FAT2: variants seen among roughly 807,000 people sequenced by gnomAD.
The protein encoded by FAT2 is FAT atypical cadherin 2.
Under a neutral mutation model 295.3 loss-of-function variants are expected in FAT2, and 150 were observed. That is an observed-to-expected ratio of 0.51 (90% CI 0.44 to 0.58). The LOEUF (loss-of-function observed/expected upper bound fraction) is 0.58. FAT2 is among the 20% of genes least tolerant of loss of function. The probability of loss-of-function intolerance (pLI) is 0.00; values close to 1 mark genes in which losing one functional copy is unlikely to be tolerated. For synonymous variants in FAT2, 2,026 were observed against 2,150.3 expected, an observed-to-expected ratio of 0.94 and a Z score of 1.60; for missense variants, 4,868 against 5,442.7, an observed-to-expected ratio of 0.89 and a Z score of 3.32.
Position 151,567,922 on chromosome 5 carries a change from C to T in FAT2, c.1010G>A (p.Ser337Asn), listed in dbSNP as rs777716106. 3.7e-6 allele frequency: 6 copies of T among 1,614,168 alleles called. No homozygotes were observed. The highest frequency in any genetic ancestry group is 1.6e-4 in the Middle Eastern group (1 of 6,062). ...GGAATAAAAATAAGGGCCGCTCCCACTCCTGGCCTGGAGGCTGAGGTTGAA... is the reference window on the plus strand; with the variant it reads ...GGAATAAAAATAAGGGCCGCTCCCATTCCTGGCCTGGAGGCTGAGGTTGAA... ...HGFNLSLQAR[S>N]GSGPYFYSQI... is the part of the protein sequence containing the mutation. The change falls in exon 2 of 24, where the codon AGT (serine) becomes AAT (asparagine). Residue 337 changes from serine to asparagine, a missense_variant. By Grantham distance (46) the Ser-to-Asn change is conservative. Around this residue, in one of 5 missense-constraint regions of FAT2, gnomAD observed 3,297 missense variants for 3,669.4 expected, o/e 0.90. Coordinates refer to ENST00000261800, the MANE Select transcript of FAT2 (RefSeq NM_001447.3).
rs1268200460 is a variant in FAT2 at position 151,505,867 on chromosome 5, C to A, written c.12748G>T (p.Asp4250Tyr). The A allele has an allele frequency of 6.2e-7, 1 of 1,606,884 alleles. No homozygotes were observed. Among genetic ancestry groups the A allele is most frequent in the East Asian group, 2.2e-5 (1 of 44,840 alleles). The change falls in exon 24 of 24, where the codon GAT becomes TAT. Residue 4250 changes from aspartate (D) to tyrosine (Y), a missense_variant. Around this residue, in one of 5 missense-constraint regions of FAT2, gnomAD observed 492 missense variants for 482.6 expected, o/e 1.02. Coordinates refer to ENST00000261800, the MANE Select transcript of FAT2 (RefSeq NM_001447.3). ...CTAGGGGGCCGAGAGGGCATCAGAT[C>A]TTCCAGGTTCTGGTTGCTGTAACGG... ...PPRYSNQNLE[D>Y]LMPSRPPSPR...
intron 16 of FAT2, among the ~76,000 whole-genome samples, chr5:151,527,615 G>A (rs1274943652): frequency 6.6e-6 from 1 of 152,176 alleles, no homozygotes; most frequent in East Asian, 1.9e-4. Flanking sequence ...GAATTTATGT[G>A]AGGATAATGT....
intron 16 of FAT2, 54 bp from the exon 17 acceptor site, chr5:151,527,431 T>C (rs1754130936): frequency 6.6e-7 from 1 of 1,505,340 alleles, no homozygotes; most frequent in East Asian, 2.3e-5. Context: ...CCCTCACTTC[T>C]GCCCCCTGAG....
chr5:151,566,138 G>A lies in FAT2; in HGVS notation c.2794C>T (p.Leu932=), dbSNP rs10085060. The change falls in exon 2 of 24, where the codon CTG becomes TTG. Residue 932 remains leucine, a synonymous_variant. Coordinates refer to ENST00000261800, the MANE Select transcript of FAT2 (RefSeq NM_001447.3). ...SPQCITEHNR[L]KVPEDLPPGT... Reference sequence around the variant, plus strand: ...GGGGGCAGGTCCTCTGGAACCTTCAGCCTGTTGTGTTCTGTGATGCACTGG... The same window carrying A: ...GGGGGCAGGTCCTCTGGAACCTTCAACCTGTTGTGTTCTGTGATGCACTGG... 812,587 of 1,613,482 alleles carry A rather than the reference G, an allele frequency of 0.5. 207,927 individuals carry two copies. Among genetic ancestry groups the A allele is most frequent in the Non-Finnish European group, 0.53 (623,755 of 1,179,700 alleles).
chr5:151,563,656 A>C lies in FAT2; in HGVS notation c.3260-17T>G, dbSNP rs775055586. 3.1e-6 allele frequency: 5 copies of C among 1,606,376 alleles called. No homozygotes were observed. The African/African-American group carries it at 5.4e-5, about 17-fold the overall frequency. On this transcript the variant is annotated splice_polypyrimidine_tract_variant and intron_variant, in intron 2 of 23. Coordinates refer to ENST00000261800, the MANE Select transcript of FAT2 (RefSeq NM_001447.3). The stretch of plus-strand genomic sequence containing the variant: ...GAATCATTCCTAGGGACAGTAAGTC[A>C]GCAAACCCAAAATACTTTAGAGCTC...
At chr5:151,571,584 C>T (rs1324309327) in intron 1 of FAT2, among the ~76,000 whole-genome samples, 15 of 152,202 alleles carry the variant, frequency 9.9e-5, no homozygotes, top group Non-Finnish European at 1.0e-4. Context: ...AGAATGCACC[C>T]TTGGATGGTG....
Position 151,512,361 on chromosome 5 carries a change from C to T in FAT2, c.11709G>A (p.Ser3903=), listed in dbSNP as rs758597109. The stretch of plus-strand genomic sequence containing the variant: ...AGCCTTCAAAGCCCTGGGAGACATT[C>T]GAGGAAGAATGCAACAGAATGAGGC... The part of the protein sequence containing the change: ...LGGLILLHSS[S]NVSQGFEGCL... Residue 3903 remains serine, a synonymous_variant, in exon 21 of 24, where the codon TCG becomes TCA. Transcript: ENST00000261800. This position sits in a 1 kb window ranked among gnomAD's most constrained non-coding sequence, Gnocchi z 4.1. The T allele has an allele frequency of 5.0e-6, 8 of 1,614,214 alleles. No individual in the cohort carries two copies. The Admixed American group carries it at 5.0e-5, about 10-fold the overall frequency.
Position 151,540,685 on chromosome 5 carries a change from C to A in FAT2, c.8921G>T (p.Arg2974Leu), listed in dbSNP as rs747745000. ...GAGCAAGTACTTGGCTGTATGCTCG[C>A]GGTCCAGGGTCTTCCTTGAGGAAAT... is the stretch of plus-strand genomic sequence containing the variant. ...WRISSRKTLDREHTAKYLLRV... is the reference protein window; with the variant it reads ...WRISSRKTLDLEHTAKYLLRV... The change falls in exon 11 of 24, where the codon CGC becomes CTC. Residue 2974 changes from arginine (R) to leucine (L), a missense_variant. Physicochemically the swap from Arg to Leu is moderately radical, Grantham distance 102 (BLOSUM62 -2). Transcript: ENST00000261800. 1 of 1,614,094 alleles carries A rather than the reference C, an allele frequency of 6.2e-7. No individual in the cohort carries two copies. Among genetic ancestry groups the A allele is most frequent in the Non-Finnish European group, 8.5e-7 (1 of 1,180,052 alleles).
In FAT2 at chr5:151,536,173, T is replaced by A. The variant is rs77398847; in HGVS notation, c.9194-1531A>T. Among the ~76,000 whole-genome samples, 323 of 152,276 alleles carry A rather than the reference T, an allele frequency of 2.1e-3. 1 individual carries two copies. The highest frequency in any genetic ancestry group is 7.4e-3 in the African/African-American group (307 of 41,540). On this transcript the variant is annotated intron_variant, in intron 12 of 23. Transcript: ENST00000261800. The stretch of plus-strand genomic sequence containing the variant: ...TTCCAGTTTCTGCATAATACATACC[T>A]ACATTGCTTCAATTTTATACCATGA...
At chr5:151,587,177 C>CA (rs984380439) in intron 1 of FAT2, among the ~76,000 whole-genome samples, 2 of 148,498 alleles carry the variant, frequency 1.3e-5, no homozygotes, top group Admixed American at 6.7e-5. Flanking sequence ...AAAAAAAAAA[C>CA]AAAAAAACCC....
chr5:151,514,764 C>T (rs75931687), intron 20 of FAT2, among the ~76,000 whole-genome samples: 3,527 of 152,272 alleles, frequency 0.023, 49 homozygotes, highest in Non-Finnish European at 0.035. Flanking sequence ...CCTGCAGGCA[C>T]TTTCACCATC....
chr5:151,551,601 C>A lies in FAT2; in HGVS notation c.4162G>T (p.Asp1388Tyr), dbSNP rs138459731. 6.2e-7 allele frequency: 1 copy of A among 1,614,098 alleles called. No individual in the cohort carries two copies. Among genetic ancestry groups the A allele is most frequent in the Non-Finnish European group, 8.5e-7 (1 of 1,180,010 alleles). Residue 1388 changes from aspartate (D) to tyrosine (Y), a missense_variant, in exon 7 of 24, where the codon GAT (aspartate) becomes TAT (tyrosine). Asp to Tyr is a radical substitution (Grantham distance 160). Coordinates refer to ENST00000261800, the MANE Select transcript of FAT2 (RefSeq NM_001447.3). ...TCAATGTCAAAGTCCATGTCCTTAT[C>A]CCCACCTAGAGTGGGAGTGGGGAGA... ...GLFWFNISGG[D>Y]KDMDFDIEKT...
chr5:151,566,436 G>A lies in FAT2; in HGVS notation c.2496C>T (p.Asp832=), dbSNP rs145385400. 22 of 1,613,308 alleles carry A rather than the reference G, an allele frequency of 1.4e-5. No homozygotes were observed. In the African/African-American group the frequency reaches 2.9e-4, roughly 22 times the overall value. ...CTGCAATTGTGGTTCCAACTTCTGT[G>A]TCCTCCGAGATGGTTAACTGGTACC... The part of the protein sequence containing the change: ...PGGYQLTISE[D]TEVGTTIAEL... Residue 832 remains aspartate (D), a synonymous_variant, in exon 2 of 24, where the codon GAC becomes GAT. Coordinates refer to ENST00000261800, the MANE Select transcript of FAT2 (RefSeq NM_001447.3).
At chr5:151,536,791 A>C (rs1755352604) in intron 12 of FAT2, among the ~76,000 whole-genome samples, 1 of 152,166 alleles carries the variant, frequency 6.6e-6, no homozygotes, top group African/African-American at 2.4e-5. Flanking sequence ...CCTTGAGATC[A>C]TGTTCTTGGC....
rs764215136 is a variant in FAT2 at position 151,543,356 on chromosome 5, T to C, written c.7771A>G (p.Thr2591Ala). 1.2e-5 allele frequency: 20 copies of C among 1,614,070 alleles called. No individual in the cohort carries two copies. The South Asian group carries it at 2.2e-4, about 18-fold the overall frequency. ...CTGACATTGGATTGAATGGATACTGTGTACTCAGATGCTTTGAACTGTGGG... is the reference window on the plus strand; with the variant it reads ...CTGACATTGGATTGAATGGATACTGCGTACTCAGATGCTTTGAACTGTGGG... Reference protein sequence around the residue: ...NPPQFKASEYTVSIQSNVSKD... With the variant: ...NPPQFKASEYAVSIQSNVSKD... Residue 2591 changes from threonine to alanine, a missense_variant, in exon 10 of 24, where the codon ACA becomes GCA. Physicochemically the swap from Thr to Ala is moderately conservative, Grantham distance 58. This residue lies in a region of FAT2 where 3,297 missense variants were observed against 3,669.4 expected (regional missense o/e 0.90). Transcript: ENST00000261800.
rs2127619352 is a variant in FAT2, at chr5:151,549,410, G to C, written c.4674C>G (p.Leu1558=). ...TGTCAGGAACACTTGCCTCATAATG[G>C]AGCTGAGTGAAGCGGGGTGGGTGGA... The part of the protein sequence containing the change: ...GNLHPPRFTQ[L]HYEASVPDTI... Residue 1558 remains leucine (L), a synonymous_variant, in exon 9 of 24, where the codon CTC becomes CTG. Transcript: ENST00000261800. 1 of 1,614,150 alleles carries C rather than the reference G, an allele frequency of 6.2e-7. No individual in the cohort carries two copies. The highest frequency in any genetic ancestry group is 1.7e-4 in the Middle Eastern group (1 of 6,048).
intron 10 of FAT2, among the ~76,000 whole-genome samples, chr5:151,541,971 A>G (rs767606830): frequency 1.3e-5 from 2 of 152,214 alleles, no homozygotes; most frequent in African/African-American, 2.4e-5. Flanking sequence ...TGCCTCCTCC[A>G]TCTTTCAAAA....
chr5:151,566,580 A>G lies in FAT2; in HGVS notation c.2352T>C (p.Asn784=), dbSNP rs1441091067. ...VAAPLDYEAT[N]FYILNVTVYD... ...ATACTGTTACATTGAGGATGTAGAA[A>G]TTGGTGGCTTCATAGTCCAAGGGAG... Residue 784 remains asparagine (N), a synonymous_variant, in exon 2 of 24, where the codon AAT becomes AAC. Coordinates refer to ENST00000261800, the MANE Select transcript of FAT2 (RefSeq NM_001447.3). 34 of 1,614,030 alleles carry G rather than the reference A, an allele frequency of 2.1e-5. No individual in the cohort carries two copies. Among genetic ancestry groups the G allele is most frequent in the African/African-American group, 2.7e-5 (2 of 74,902 alleles).
Position 151,546,723 on chromosome 5 carries a change from CT to C in FAT2, c.4790-387del, listed in dbSNP as rs796620329. Among the ~76,000 whole-genome samples the C allele has an allele frequency of 4.0e-3, 582 of 145,528 alleles. 2 individuals are homozygous for C. The highest frequency in any genetic ancestry group is 4.1e-3 in the Non-Finnish European group (268 of 65,818). The stretch of plus-strand genomic sequence containing the variant: ...GAATTTTTAACCATCTTTTGTATAA[CT>C]TTTTTTTTTTTTAGAGTCAGGGTCT... On this transcript the variant is annotated intron_variant, in intron 9 of 23. Coordinates refer to ENST00000261800, the MANE Select transcript of FAT2 (RefSeq NM_001447.3).
Sources: allele counts gnomAD v4.1 joint callset (sites outside exome capture counted in the v4.1 genomes callset), GRCh38; gene constraint gnomAD v4.1.1; regional missense constraint gnomAD v4.1.1; non-coding constraint Gnocchi (gnomAD v3.1); transcripts MANE v1.5; gene names NCBI Gene and HGNC (gene_info 2026-07-23, HGNC 2026-07-21).